ADCY9: variants seen among roughly 807,000 people sequenced by gnomAD.
ADCY9 encodes adenylate cyclase 9.
Under a neutral mutation model 101.5 loss-of-function variants are expected in ADCY9, and 50 were observed. That is an observed-to-expected ratio of 0.49 (90% confidence interval 0.39 to 0.62). ADCY9 has a LOEUF of 0.62. Ranked by LOEUF, ADCY9 falls within the 20% of genes least tolerant of loss-of-function variation. The pLI is 0.00. For missense variants in ADCY9, 1,662 were observed against 1,800.4 expected (o/e 0.92, Z 1.39); for synonymous variants, 905 against 769.3 (o/e 1.18, Z -2.92).
Position 4,116,081 on chromosome 16 carries a change from G to A in ADCY9, c.-435C>T, listed in dbSNP as rs2057150664. On this transcript the variant is annotated 5_prime_UTR_variant, in exon 1 of 11. Transcript: ENST00000294016. The stretch of plus-strand genomic sequence containing the variant: ...GGCCCTGCCCGCGGCGGCGGGCGCT[G>A]GGGGTGGGGGCGCCCCGGGCTGCGA... The A allele has an allele frequency of 6.9e-6, 1 of 145,668 alleles. No homozygotes were observed. Among genetic ancestry groups the A allele is most frequent in the African/African-American group, 2.5e-5 (1 of 40,686 alleles). 9.0% of individuals were successfully genotyped at this position (145,668 alleles called of 1,614,324 possible).
At position 4,115,563 on chromosome 16, in the gene ADCY9, C is replaced by T. The variant is rs138919314; in HGVS notation, c.-43-78G>A. On this transcript the variant is annotated intron_variant, in intron 1 of 10. Transcript: ENST00000294016. The surrounding 1 kb of genome is among the most constrained non-coding windows in gnomAD (Gnocchi z 6.2). Reference sequence around the variant, plus strand: ...TAGAGGCCCGGGACCTGCTCCTGTCCTAAGGGGCGGCTCCAGCACGCGACC... The same window carrying T: ...TAGAGGCCCGGGACCTGCTCCTGTCTTAAGGGGCGGCTCCAGCACGCGACC... 3 of 1,268,396 alleles carry T rather than the reference C, an allele frequency of 2.4e-6. No individual in the cohort carries two copies. The highest frequency in any genetic ancestry group is 3.2e-6 in the Non-Finnish European group (3 of 947,706). 78.6% of individuals were successfully genotyped at this position (1,268,396 alleles called of 1,614,324 possible). A position where few individuals can be genotyped will look rare whatever the true frequency, so the allele number is the denominator to read the frequency against.
intron 9 of ADCY9, 79 bp from the exon 10 acceptor site, chr16:3,974,789 C>T: frequency 8.5e-7 from 1 of 1,178,728 alleles, no homozygotes; most frequent in Non-Finnish European, 1.3e-6. Context: ...AGAGCTTGAA[C>T]AAACTATGTT....
intron 3 of ADCY9, among the ~76,000 whole-genome samples, chr16:4,005,921 C>T (rs1354805014): frequency 6.6e-6 from 1 of 152,200 alleles, no homozygotes; most frequent in Non-Finnish European, 1.5e-5. Context: ...CAGCCCCTCC[C>T]TGCCCGGGTC....
intron 10 of ADCY9, among the ~76,000 whole-genome samples, chr16:3,968,935 T>A (rs1337526291): frequency 1.3e-5 from 2 of 152,058 alleles, no homozygotes; most frequent in Non-Finnish European, 2.9e-5. Flanking sequence ...AAACTCCGCC[T>A]CCTGGGTTCA....
intron 2 of ADCY9, chr16:4,015,718 G>A (rs967705371): frequency 6.6e-6 from 1 of 152,226 alleles, no homozygotes; most frequent in Non-Finnish European, 1.5e-5. Flanking sequence ...TATAATCCCA[G>A]GACTTTGAGA....
chr16:4,068,661 A>AC (rs2056814892), intron 2 of ADCY9, among the ~76,000 whole-genome samples: 1 of 151,916 alleles, frequency 6.6e-6, no homozygotes, highest in Non-Finnish European at 1.5e-5. Context: ...AAAAATACAA[A>AC]AAAAAATTAG....
In ADCY9 at chr16:3,991,271, G is replaced by T. The variant is rs561555074; in HGVS notation, c.2207+875C>A. ...ATAATAACCCTAGATGAGACAACCC[G>T]GCACCACCTTGCCTAATTAATCAAA... On this transcript the variant is annotated intron_variant, in intron 5 of 10. Coordinates refer to ENST00000294016, the MANE Select transcript of ADCY9 (RefSeq NM_001116.4). 1.4e-4 allele frequency among the ~76,000 whole-genome samples: 22 copies of T among 152,206 alleles called. No homozygotes were observed. The East Asian group carries it at 2.7e-3, about 19-fold the overall frequency.
intron 7 of ADCY9, 92 bp downstream of exon 7, chr16:3,983,140 G>C: frequency 8.2e-7 from 1 of 1,219,870 alleles, no homozygotes; most frequent in Non-Finnish European, 1.1e-6. Flanking sequence ...ACAGCTGGCT[G>C]GGGACCAGTC....
intron 2 of ADCY9, among the ~76,000 whole-genome samples, chr16:4,102,054 C>G (rs1009496673): frequency 6.6e-6 from 1 of 152,136 alleles, no homozygotes; most frequent in African/African-American, 2.4e-5. Context: ...CGGTACTGAA[C>G]GACACAAGAT....
chr16:4,039,807 G>C (rs899917074), intron 2 of ADCY9, among the ~76,000 whole-genome samples: 2 of 152,116 alleles, frequency 1.3e-5, no homozygotes, highest in African/African-American at 4.8e-5. Context: ...GGGAGGTCGA[G>C]GCAGGCGGAT....
rs767115758 is a variant in ADCY9 at position 3,979,147 on chromosome 16, T to C, written c.2648A>G (p.His883Arg). 3.1e-6 allele frequency: 5 copies of C among 1,614,054 alleles called. No homozygotes were observed. The Admixed American group carries it at 5.0e-5, about 16-fold the overall frequency. The change falls in exon 8 of 11, where the codon CAT (histidine) becomes CGT (arginine). Residue 883 changes from histidine to arginine, a missense_variant. Around this residue, in one of 5 missense-constraint regions of ADCY9, gnomAD observed 624 missense variants for 639.1 expected, o/e 0.98. Transcript: ENST00000294016. Reference sequence around the variant, plus strand: ...GTTGGTCTCATATTCGGAGGTGACATGGGAGTAGACGGCCAGTGCGGGAAG... The same window carrying C: ...GTTGGTCTCATATTCGGAGGTGACACGGGAGTAGACGGCCAGTGCGGGAAG... Reference protein sequence around the residue: ...VSLPALAVYSHVTSEYETNIH... With the variant: ...VSLPALAVYSRVTSEYETNIH...
chr16:4,057,760 G>C (rs540500466), intron 2 of ADCY9, among the ~76,000 whole-genome samples: 1 of 152,154 alleles, frequency 6.6e-6, no homozygotes, highest in African/African-American at 2.4e-5. Flanking sequence ...AGCATTTACG[G>C]CGTGTTCTCG....
chr16:4,100,164 G>A (rs373041524), intron 2 of ADCY9, among the ~76,000 whole-genome samples: 1 of 151,782 alleles, frequency 6.6e-6, no homozygotes, highest in African/African-American at 2.4e-5. Context: ...CCCTTCGCAT[G>A]CTCTCTCTCT....
chr16:4,001,667 G>C (rs2056331649), intron 3 of ADCY9, among the ~76,000 whole-genome samples: 1 of 151,880 alleles, frequency 6.6e-6, no homozygotes, highest in Non-Finnish European at 1.5e-5. Context: ...TCCCACCTCA[G>C]CCTCCCAGGT....
chr16:4,093,587 T>A (rs1407415023), intron 2 of ADCY9, among the ~76,000 whole-genome samples: 1 of 152,130 alleles, frequency 6.6e-6, no homozygotes, highest in Non-Finnish European at 1.5e-5. Context: ...AGTATTTTTG[T>A]CTCTACAAAA....
intron 10 of ADCY9, among the ~76,000 whole-genome samples, chr16:3,967,454 A>C (rs1036342356): frequency 6.6e-6 from 1 of 151,502 alleles, no homozygotes; most frequent in African/African-American, 2.4e-5. Flanking sequence ...GCAATGGCAC[A>C]ATCATGGCTC....
chr16:3,988,930 T>C (rs989689944), intron 6 of ADCY9, 64 bp downstream of exon 6: 18 of 1,289,194 alleles, frequency 1.4e-5, no homozygotes, highest in Non-Finnish European at 1.9e-5. Flanking sequence ...AAACTAACAG[T>C]GAATGACCAT....
chr16:4,018,570 A>C (rs1345526760), intron 2 of ADCY9, among the ~76,000 whole-genome samples: 1 of 151,882 alleles, frequency 6.6e-6, no homozygotes, highest in Non-Finnish European at 1.5e-5. Context: ...TGCCTTCACC[A>C]CCTGTTGCTT....
rs1334473006 is a variant in ADCY9, at chr16:4,077,357, TAG to T, written c.1693+36391_1693+36392del. Among the ~76,000 whole-genome samples, 4 of 152,228 alleles carry T rather than the reference TAG, an allele frequency of 2.6e-5. No individual in the cohort carries two copies. In the East Asian group the frequency reaches 7.7e-4, roughly 29 times the overall value. ...GGTTTTCAGGTGGTCTTTCTGGCTG[TAG>T]AGAGATCAAACACACCCTTCCCCAA... On this transcript the variant is annotated intron_variant, in intron 2 of 10. Transcript: ENST00000294016.
Sources: gnomAD v4.1 joint callset for allele counts (sites outside exome capture counted in the v4.1 genomes callset) on GRCh38, gnomAD v4.1.1 for gene constraint, gnomAD v4.1.1 regional missense constraint, Gnocchi (gnomAD v3.1) non-coding constraint, MANE v1.5 for transcripts, NCBI Gene and HGNC (gene_info 2026-07-23, HGNC 2026-07-21) for gene names.